The following MSI1 variants were observed in gnomAD, a reference collection of about 807,000 sequenced individuals.
MSI1 encodes the protein musashi RNA binding protein 1, also known as RNA-binding protein Musashi homolog 1.
Under a neutral mutation model 54.4 loss-of-function variants are expected in MSI1, and 15 were observed. The ratio of observed to expected loss-of-function variants is 0.28; its 90% CI spans 0.18 to 0.42. MSI1 has a LOEUF of 0.42. Ranked by LOEUF, MSI1 falls within the 20% of genes least tolerant of loss-of-function variation. The pLI is 1.00. For synonymous variants in MSI1, 200 were observed against 196.5 expected (o/e 1.02, Z -0.15); for missense variants, 304 against 506.0 (o/e 0.60, Z 3.83).
chr12:120,348,085 C>A (rs1226063997), intron 11 of MSI1, among the ~76,000 whole-genome samples: 1 of 151,712 alleles, frequency 6.6e-6, no homozygotes, highest in East Asian at 1.9e-4. Flanking sequence ...CTCCCCTCGC[C>A]CCTGTCTCCT....
rs532144565 is a variant in MSI1 at position 120,346,670 on chromosome 12, C to G, written c.860-348G>C. Among the ~76,000 whole-genome samples the G allele has an allele frequency of 2.2e-3, 339 of 152,318 alleles. 3 individuals carry two copies. Among genetic ancestry groups the G allele is most frequent in the Middle Eastern group, 0.02 (6 of 294 alleles). On this transcript the variant is annotated intron_variant, in intron 12 of 14. Transcript: ENST00000257552. Reference sequence around the variant, plus strand: ...CCTCCTGCCTCCGTTCTCCACTCCCCACTTCCGCACTTTCCCCACCCACTG... The same window carrying G: ...CCTCCTGCCTCCGTTCTCCACTCCCGACTTCCGCACTTTCCCCACCCACTG...
chr12:120,344,337 C>T (rs577919805), intron 14 of MSI1, among the ~76,000 whole-genome samples: 3 of 152,314 alleles, frequency 2.0e-5, no homozygotes, highest in East Asian at 3.8e-4. Context: ...CAGACTGCCC[C>T]GGGAACCCCT....
intron 11 of MSI1, among the ~76,000 whole-genome samples, chr12:120,349,072 G>T (rs1006754394): frequency 3.3e-5 from 5 of 150,386 alleles, no homozygotes; most frequent in Non-Finnish European, 7.4e-5. Flanking sequence ...GGATACTCAG[G>T]TAAGCCTTTC....
intron 14 of MSI1, among the ~76,000 whole-genome samples, chr12:120,345,347 C>T (rs1033218561): frequency 1.3e-5 from 2 of 152,004 alleles, no homozygotes; most frequent in Admixed American, 6.6e-5. Flanking sequence ...CTTTGCCAAC[C>T]TGATAGGTGG....
rs923320493 is a variant in MSI1, at chr12:120,341,438, C to T, written c.*1689G>A. 4.0e-5 allele frequency: 6 copies of T among 151,230 alleles called. No individual in the cohort carries two copies. The highest frequency in any genetic ancestry group is 2.1e-4 in the South Asian group (1 of 4,792). The allele number at this position is 151,230 out of a possible 1,614,324, so 9.4% of individuals were successfully genotyped here. A position where few individuals can be genotyped will look rare whatever the true frequency, so the allele number is the denominator to read the frequency against. On this transcript the variant is annotated 3_prime_UTR_variant, in exon 15 of 15. Transcript: ENST00000257552. ...CCGGAGGATGGTAACTTGCTGGCTT[C>T]GAAACACCATGTAACATCTTAAAAA...
intron 11 of MSI1, among the ~76,000 whole-genome samples, chr12:120,349,710 A>T (rs966334872): frequency 1.3e-5 from 2 of 152,234 alleles, no homozygotes; most frequent in African/African-American, 4.8e-5. Context: ...AGGCTAGAGG[A>T]AAGTTCAGAT....
intron 7 of MSI1, among the ~76,000 whole-genome samples, 199 bp from the exon 8 acceptor site, chr12:120,358,097 A>C (rs1471969260): frequency 6.6e-6 from 1 of 152,220 alleles, no homozygotes; most frequent in Admixed American, 6.5e-5. Flanking sequence ...GAGGAAAATA[A>C]GGTTCAGGTA....
In MSI1 at chr12:120,367,061, G is replaced by A. The variant is rs79858704; in HGVS notation, c.267+947C>T. 2.8e-3 allele frequency among the ~76,000 whole-genome samples: 432 copies of A among 152,244 alleles called. 1 individual carries two copies. The highest frequency in any genetic ancestry group is 4.6e-3 in the South Asian group (22 of 4,828). On this transcript the variant is annotated intron_variant, in intron 4 of 14. Transcript: ENST00000257552. ...GCCTCATTTGCTCATTACTGCGAGCGGGAGCGGGAGCCACTGGGCAGAGAT... is the reference window on the plus strand; with the variant it reads ...GCCTCATTTGCTCATTACTGCGAGCAGGAGCGGGAGCCACTGGGCAGAGAT...
chr12:120,358,436 C>T (rs575525334), intron 7 of MSI1, among the ~76,000 whole-genome samples: 2 of 152,196 alleles, frequency 1.3e-5, no homozygotes, highest in African/African-American at 4.8e-5. Context: ...AGAACACATA[C>T]CCCACTCCCA....
intron 8 of MSI1, 42 bp from the exon 9 acceptor site, chr12:120,357,061 A>G: frequency 6.5e-7 from 1 of 1,533,956 alleles, no homozygotes. Flanking sequence ...ACAGAGCTAG[A>G]GTCATTAGCC....
At chr12:120,355,134 G>A (rs1194086434) in intron 9 of MSI1, among the ~76,000 whole-genome samples, 2 of 151,686 alleles carry the variant, frequency 1.3e-5, no homozygotes, top group East Asian at 1.9e-4. Context: ...GGCCGGGCGC[G>A]GTGGCTCACG....
At chr12:120,357,998 C>T (rs1039984614) in intron 7 of MSI1, 100 bp from the exon 8 acceptor site, 27 of 966,814 alleles carry the variant, frequency 2.8e-5, no homozygotes, top group Middle Eastern at 2.1e-4. Context: ...CTCTCTCTGG[C>T]GAGTGAGAGT....
chr12:120,358,596 C>T (rs1383885289), intron 7 of MSI1, among the ~76,000 whole-genome samples: 4 of 152,198 alleles, frequency 2.6e-5, no homozygotes, highest in Non-Finnish European at 5.9e-5. Context: ...GGCCCAGATG[C>T]TCACAGGTTC....
At chr12:120,340,308 A>T (rs1047216968), downstream of MSI1, among the ~76,000 whole-genome samples, 5 of 151,838 alleles carry the variant, frequency 3.3e-5, no homozygotes. Context: ...GGTTTCGAAC[A>T]CCTGAGCTCA....
In MSI1 at chr12:120,341,782, G is replaced by C. The variant is rs923443060; in HGVS notation, c.*1345C>G. On this transcript the variant is annotated 3_prime_UTR_variant, in exon 15 of 15. Coordinates refer to ENST00000257552, the MANE Select transcript of MSI1 (RefSeq NM_002442.4). ...TAACTCTCCAAAGGTGGGGTTTCCG[G>C]GTGGGGGCAATGCTGGGGAAGAGAG... is the stretch of plus-strand genomic sequence containing the variant. The C allele has an allele frequency of 1.3e-5, 2 of 152,738 alleles. No homozygotes were observed. The highest frequency in any genetic ancestry group is 1.3e-4 in the Admixed American group (2 of 15,282). 9.5% of individuals were successfully genotyped at this position (152,738 alleles called of 1,614,324 possible). A position where few individuals can be genotyped will look rare whatever the true frequency, so the allele number is the denominator to read the frequency against.
At position 120,365,913 on chromosome 12, in the gene MSI1, G is replaced by A. The variant is rs1242664462; in HGVS notation, c.268-1158C>T. On this transcript the variant is annotated intron_variant, in intron 4 of 14. Transcript: ENST00000257552. ...GCTGCGGGGAATCAGATGAGATAAC[G>A]CGGGTGAAAGCGGCCCTTTGTGAAC... is the stretch of plus-strand genomic sequence containing the variant. Among the ~76,000 whole-genome samples, 8 of 152,276 alleles carry A rather than the reference G, an allele frequency of 5.3e-5. No individual in the cohort carries two copies. In the East Asian group the frequency reaches 1.3e-3, roughly 26 times the overall value.
chr12:120,366,736 A>T, intron 4 of MSI1, among the ~76,000 whole-genome samples: 1 of 152,090 alleles, frequency 6.6e-6, no homozygotes, highest in Non-Finnish European at 1.5e-5. Context: ...CCAAACACAG[A>T]CAAAGCCCTG....
intron 12 of MSI1, 34 bp from the exon 13 acceptor site, chr12:120,346,356 G>A (rs1481919326): frequency 6.8e-7 from 1 of 1,470,966 alleles, no homozygotes; most frequent in Non-Finnish European, 9.0e-7. Context: ...TGATAGCCCT[G>A]GTGCCCTCTG....
chr12:120,359,863 C>T (rs1011373239), intron 6 of MSI1, among the ~76,000 whole-genome samples: 3 of 152,050 alleles, frequency 2.0e-5, no homozygotes, highest in Admixed American at 2.0e-4. Flanking sequence ...CTCCAGGCCC[C>T]AACCCTCCCC....
Sources: allele counts gnomAD v4.1 joint callset (sites outside exome capture counted in the v4.1 genomes callset), GRCh38; gene constraint gnomAD v4.1.1; transcripts MANE v1.5; gene names NCBI Gene and HGNC (gene_info 2026-07-23, HGNC 2026-07-21).